TENM3: variants seen among roughly 807,000 people sequenced by gnomAD.
TENM3 encodes teneurin transmembrane protein 3.
A neutral mutation model predicts 255.1 loss-of-function variants in TENM3; 63 were observed. The observed-to-expected ratio is 0.25, with a 90% CI of 0.20 to 0.30. TENM3 has a LOEUF of 0.30. Ranked by LOEUF, TENM3 falls within the 10% of genes least tolerant of loss-of-function variation. The pLI is 1.00. For missense variants in TENM3, 2,929 were observed against 3,461.1 expected, an observed-to-expected ratio of 0.85 and a Z score of 3.86; for synonymous variants, 1,306 against 1,322.3, an observed-to-expected ratio of 0.99 and a Z score of 0.27.
At chr4:182,737,267 GA>G (rs1402601512) in intron 17 of TENM3, among the ~76,000 whole-genome samples, 192 bp downstream of exon 17, 1 of 152,196 alleles carries the variant, frequency 6.6e-6, no homozygotes, top group Non-Finnish European at 1.5e-5. Context: ...GCAAGAAGAA[GA>G]AAATATCAGC....
At chr4:182,169,442 G>T in intron 1 of TENM3, 1 of 360,372 alleles carries the variant, frequency 2.8e-6, no homozygotes. Context: ...GAATTCTTCT[G>T]AAGAGAAAAA....
intron 5 of TENM3, among the ~76,000 whole-genome samples, chr4:182,634,138 TTC>T (rs1751642138): frequency 2.0e-5 from 3 of 152,200 alleles, no homozygotes; most frequent in Admixed American, 2.0e-4. Flanking sequence ...GATGGAAATG[TTC>T]TGTTTCCACA....
chr4:181,861,101 C>T, the TENM3 span, among the ~76,000 whole-genome samples: 4 of 152,292 alleles, frequency 2.6e-5, no homozygotes, highest in African/African-American at 9.6e-5. Flanking sequence ...CCTTGTGTCC[C>T]TTGTGCTATA....
At chr4:181,927,087 G>A in the TENM3 span, among the ~76,000 whole-genome samples, 1 of 152,216 alleles carries the variant, frequency 6.6e-6, no homozygotes, top group Non-Finnish European at 1.5e-5. Flanking sequence ...CCAGGCAGCT[G>A]TTTGGGCAGA....
At chr4:181,580,207 A>G in the TENM3 span, among the ~76,000 whole-genome samples, 1 of 152,146 alleles carries the variant, frequency 6.6e-6, no homozygotes, top group Admixed American at 6.5e-5. Context: ...CATGTTGCTC[A>G]GGCTGGGCTT....
intron 25 of TENM3, among the ~76,000 whole-genome samples, chr4:182,791,638 G>T (rs1441730169): frequency 6.6e-6 from 1 of 152,116 alleles, no homozygotes; most frequent in Non-Finnish European, 1.5e-5. Context: ...GTAACAATTT[G>T]CCTGTATGTG....
At chr4:182,479,147 T>G (rs1733953969) in intron 3 of TENM3, among the ~76,000 whole-genome samples, 1 of 151,982 alleles carries the variant, frequency 6.6e-6, no homozygotes, top group South Asian at 2.1e-4. Flanking sequence ...TTCAGTTTAG[T>G]TTCCTGTTAG....
At chr4:182,503,892 T>C (rs1412232779) in intron 3 of TENM3, among the ~76,000 whole-genome samples, 4 of 152,232 alleles carry the variant, frequency 2.6e-5, no homozygotes, top group Admixed American at 6.5e-5. Flanking sequence ...ATCTCTGTGA[T>C]GCCCTCCCTA....
At chr4:182,032,939 CT>C in the TENM3 span, among the ~76,000 whole-genome samples, 1 of 150,876 alleles carries the variant, frequency 6.6e-6, no homozygotes, top group Non-Finnish European at 1.5e-5. Context: ...CTCTTTTCTT[CT>C]TTATTAGTCT....
At chr4:182,759,589 TAAAC>T (rs1172891025) in intron 22 of TENM3, among the ~76,000 whole-genome samples, 1 of 152,256 alleles carries the variant, frequency 6.6e-6, no homozygotes, top group African/African-American at 2.4e-5. Context: ...TTCCAATAAT[TAAAC>T]AAAATAATAA....
At chr4:182,162,354 C>G (rs1037482079) in intron 1 of TENM3, among the ~76,000 whole-genome samples, 2 of 151,950 alleles carry the variant, frequency 1.3e-5, no homozygotes, top group African/African-American at 2.4e-5. Flanking sequence ...GAAAGGGGTA[C>G]AAAAATAGAA....
At chr4:182,639,418 T>C (rs889371815) in intron 5 of TENM3, among the ~76,000 whole-genome samples, 1 of 152,212 alleles carries the variant, frequency 6.6e-6, no homozygotes, top group African/African-American at 2.4e-5. Context: ...AGTGCTCAGT[T>C]AATTTTAGCT....
intron 4 of TENM3, among the ~76,000 whole-genome samples, chr4:182,626,201 A>T (rs1197991395): frequency 1.3e-5 from 2 of 152,170 alleles, no homozygotes; most frequent in African/African-American, 4.8e-5. Flanking sequence ...CTGATGCCTG[A>T]TCTAAATGAC....
At position 182,499,128 on chromosome 4, in the gene TENM3, A is replaced by T. The variant is rs576776033; in HGVS notation, c.512-101796A>T. Among the ~76,000 whole-genome samples, 49 of 152,314 alleles carry T rather than the reference A, an allele frequency of 3.2e-4. 1 individual carries two copies. The South Asian group carries it at 9.7e-3, about 30-fold the overall frequency. On this transcript the variant is annotated intron_variant, in intron 3 of 27. Coordinates refer to ENST00000511685, the MANE Select transcript of TENM3 (RefSeq NM_001080477.4). Reference sequence around the variant, plus strand: ...TTCAATGTACTTCAACAGTGGTAGGACTGTGAAATGATTTGATTTGGTAGT... The same window carrying T: ...TTCAATGTACTTCAACAGTGGTAGGTCTGTGAAATGATTTGATTTGGTAGT...
At chr4:181,839,384 T>TACAC in the TENM3 span, among the ~76,000 whole-genome samples, 3,673 of 83,238 alleles carry the variant, frequency 0.044, 291 homozygotes, top group African/African-American at 0.078. Flanking sequence ...TATATATATA[T>TACAC]ACACCTATAT....
chr4:182,596,688 G>A (rs1422938413), intron 3 of TENM3, among the ~76,000 whole-genome samples: 1 of 152,152 alleles, frequency 6.6e-6, no homozygotes, highest in Non-Finnish European at 1.5e-5. Context: ...ACGAGGGAGA[G>A]CTTGCAAAAA....
At chr4:182,238,475 C>T (rs1261679706), upstream of TENM3, among the ~76,000 whole-genome samples, 1 of 152,172 alleles carries the variant, frequency 6.6e-6, no homozygotes, top group Non-Finnish European at 1.5e-5. Flanking sequence ...TGCCCTTACT[C>T]TGCTGTGTGT....
intron 26 of TENM3, among the ~76,000 whole-genome samples, chr4:182,795,621 C>T (rs1346526134): frequency 6.6e-6 from 1 of 152,190 alleles, no homozygotes; most frequent in Non-Finnish European, 1.5e-5. Flanking sequence ...AATCAAGTGG[C>T]TCTCCATCAT....
the TENM3 span, among the ~76,000 whole-genome samples, chr4:181,842,136 G>T: frequency 6.6e-6 from 1 of 151,934 alleles, no homozygotes; most frequent in Non-Finnish European, 1.5e-5. Flanking sequence ...AAATTAAAAG[G>T]CCAGTCAAAT....
Sources: allele counts gnomAD v4.1 joint callset (sites outside exome capture counted in the v4.1 genomes callset), GRCh38; gene constraint gnomAD v4.1.1; transcripts MANE v1.5; gene names NCBI Gene and HGNC (gene_info 2026-07-23, HGNC 2026-07-21).